Variants in RGS6 observed in about 807,000 individuals in gnomAD.
RGS6 encodes the protein regulator of G protein signaling 6, also known as regulator of G-protein signaling 6.
A neutral mutation model predicts 78.5 loss-of-function variants in RGS6; 30 were observed. That is an observed-to-expected ratio of 0.38 (90% CI 0.29 to 0.52). RGS6 has a LOEUF of 0.52. Ranked by LOEUF, RGS6 falls within the 20% of genes least tolerant of loss-of-function variation. RGS6 has a pLI of 0.85. For missense variants in RGS6, 495 were observed against 609.7 expected (o/e 0.81, Z 1.98); for synonymous variants, 206 against 206.0 (o/e 1.00, Z 0.00).
intron 2 of RGS6, among the ~76,000 whole-genome samples, chr14:72,303,670 T>C (rs1438336182): frequency 4.6e-5 from 7 of 152,184 alleles, no homozygotes; most frequent in Admixed American, 4.6e-4. Flanking sequence ...AAATGGACTC[T>C]TTTTTACCCC....
intron 2 of RGS6, among the ~76,000 whole-genome samples, chr14:72,227,749 TTAAC>T (rs1477662780): frequency 6.6e-6 from 1 of 152,180 alleles, no homozygotes; most frequent in Admixed American, 6.5e-5. Flanking sequence ...CTTCTTCCGT[TTAAC>T]TAGCTAAACT....
chr14:72,340,404 C>T (rs2076777889), intron 2 of RGS6, among the ~76,000 whole-genome samples: 1 of 152,094 alleles, frequency 6.6e-6, no homozygotes, highest in Non-Finnish European at 1.5e-5. Context: ...TTCAAGGGGC[C>T]AGAGGAAGCC....
chr14:72,308,721 G>A (rs971654021), intron 2 of RGS6, among the ~76,000 whole-genome samples: 6 of 152,104 alleles, frequency 3.9e-5, no homozygotes, highest in South Asian at 2.1e-4. Context: ...ATGTAAGTCC[G>A]GCTCTCAAAA....
chr14:71,898,074 A>G, the RGS6 span, among the ~76,000 whole-genome samples: 1 of 152,022 alleles, frequency 6.6e-6, no homozygotes, highest in African/African-American at 2.4e-5. Flanking sequence ...TACATTGTGA[A>G]AATGATAAAA....
At position 72,401,530 on chromosome 14, in the gene RGS6, T is replaced by C. The variant is rs773456548; in HGVS notation, c.184+49336T>C. On this transcript the variant is annotated intron_variant, in intron 3 of 17. Transcript: ENST00000553525. ...GTTGCCCGAGGGAAAGGGCAAAGAA[T>C]GAGAAGAGCTGGACTGGGCAACTCT... is the stretch of plus-strand genomic sequence containing the variant. 6.6e-5 allele frequency among the ~76,000 whole-genome samples: 10 copies of C among 151,314 alleles called. 1 individual carries two copies. The highest frequency in any genetic ancestry group is 1.3e-4 in the Non-Finnish European group (9 of 67,932).
At chr14:72,090,698 A>G (rs1286188757) in intron 2 of RGS6, among the ~76,000 whole-genome samples, 1 of 152,160 alleles carries the variant, frequency 6.6e-6, no homozygotes, top group African/African-American at 2.4e-5. Flanking sequence ...GACAGTGAAA[A>G]GGTGGGTCTT....
chr14:72,341,469 G>A (rs573354676), intron 2 of RGS6, among the ~76,000 whole-genome samples: 1 of 152,314 alleles, frequency 6.6e-6, no homozygotes, highest in South Asian at 2.1e-4. Flanking sequence ...ATGTATGCAA[G>A]TACTGGAATA....
At chr14:72,283,093 C>T (rs149216294) in intron 2 of RGS6, among the ~76,000 whole-genome samples, 22 of 152,292 alleles carry the variant, frequency 1.4e-4, no homozygotes, top group Non-Finnish European at 2.2e-4. Context: ...TATATTGTCA[C>T]GTATTTCAGA....
chr14:71,936,826 A>G (rs2089505956), intron 1 of RGS6, among the ~76,000 whole-genome samples: 1 of 152,260 alleles, frequency 6.6e-6, no homozygotes, highest in South Asian at 2.1e-4. Context: ...CTTGACAATT[A>G]CAGTCTGTTT....
At chr14:72,629,834 A>ACT in the RGS6 span, 1 of 1,005,214 alleles carries the variant, frequency 9.9e-7, no homozygotes, top group Non-Finnish European at 1.5e-6. Flanking sequence ...GTGTGCAGGC[A>ACT]GGGCAGGGTA....
intron 2 of RGS6, among the ~76,000 whole-genome samples, chr14:71,974,259 G>C (rs929444): frequency 1.8e-4 from 28 of 152,160 alleles, no homozygotes; most frequent in African/African-American, 6.3e-4. Flanking sequence ...TAAAATAATT[G>C]GAGGATAGAA....
chr14:72,302,898 G>A (rs536918079), intron 2 of RGS6, among the ~76,000 whole-genome samples: 19 of 152,242 alleles, frequency 1.2e-4, no homozygotes, highest in South Asian at 4.2e-4. Context: ...TGCTGTTCTC[G>A]TGATAGTGAA....
intron 2 of RGS6, among the ~76,000 whole-genome samples, chr14:72,087,621 A>G (rs1453981643): frequency 1.3e-5 from 2 of 148,596 alleles, no homozygotes; most frequent in East Asian, 3.9e-4. Context: ...AAACTTCAAC[A>G]ATATACTTTT....
chr14:72,088,442 T>A (rs1283164675), intron 2 of RGS6, among the ~76,000 whole-genome samples: 1 of 152,196 alleles, frequency 6.6e-6, no homozygotes, highest in Non-Finnish European at 1.5e-5. Flanking sequence ...TATTAATACT[T>A]CTGCTCTTCT....
intron 3 of RGS6, among the ~76,000 whole-genome samples, chr14:72,426,115 C>T (rs922636460): frequency 1.4e-4 from 22 of 152,018 alleles, no homozygotes; most frequent in Middle Eastern, 3.4e-3. Flanking sequence ...ATTTTTGTTG[C>T]GAACGTATGT....
chr14:72,406,580 G>A (rs2092944111), intron 3 of RGS6, among the ~76,000 whole-genome samples: 1 of 152,158 alleles, frequency 6.6e-6, no homozygotes, highest in African/African-American at 2.4e-5. Flanking sequence ...GGAAGTCAGG[G>A]GGTGGGTGTC....
chr14:72,505,418 T>C (rs1444106224), intron 13 of RGS6, among the ~76,000 whole-genome samples: 1 of 152,216 alleles, frequency 6.6e-6, no homozygotes, highest in African/African-American at 2.4e-5. Flanking sequence ...TGGTCTCTTA[T>C]AGAGTACTAA....
At chr14:72,270,519 T>C (rs1355231865) in intron 2 of RGS6, among the ~76,000 whole-genome samples, 3 of 152,232 alleles carry the variant, frequency 2.0e-5, no homozygotes, top group African/African-American at 7.2e-5. Context: ...CTACACATTT[T>C]GGTGTGGTTG....
At chr14:72,263,411 A>G (rs1221839782) in intron 2 of RGS6, among the ~76,000 whole-genome samples, 1 of 152,080 alleles carries the variant, frequency 6.6e-6, no homozygotes, top group Non-Finnish European at 1.5e-5. Context: ...CAGCCTGGCT[A>G]ACCACAGGCT....
Sources: allele counts gnomAD v4.1 joint callset (sites outside exome capture counted in the v4.1 genomes callset), GRCh38; gene constraint gnomAD v4.1.1; transcripts MANE v1.5; gene names NCBI Gene and HGNC (gene_info 2026-07-23, HGNC 2026-07-21).